Variants in PHACTR1 observed in about 807,000 individuals in gnomAD.
The protein encoded by PHACTR1 is phosphatase and actin regulator 1.
Under a neutral mutation model 69.2 loss-of-function variants are expected in PHACTR1, and 16 were observed. The ratio of observed to expected loss-of-function variants is 0.23; its 90% CI spans 0.16 to 0.35. The LOEUF (loss-of-function observed/expected upper bound fraction) is 0.35. Among genes scored for constraint, PHACTR1 ranks in the 10% least tolerant of loss-of-function variants. The pLI, the probability that PHACTR1 is intolerant of heterozygous loss-of-function variation, is 1.00. For missense variants in PHACTR1, 510 were observed against 734.7 expected (o/e 0.69, Z 3.54); for synonymous variants, 312 against 284.5 (o/e 1.10, Z -0.97).
chr6:12,797,144 A>G (rs149232028), intron 4 of PHACTR1, among the ~76,000 whole-genome samples: 365 of 152,150 alleles, frequency 2.4e-3, no homozygotes, highest in African/African-American at 8.2e-3. Flanking sequence ...GGAGATGCCT[A>G]GTCTAGGTGT....
chr6:13,111,713 C>T (rs1013169826), intron 5 of PHACTR1, among the ~76,000 whole-genome samples: 6 of 152,322 alleles, frequency 3.9e-5, no homozygotes, highest in South Asian at 2.1e-4. Flanking sequence ...GTGTTCACAT[C>T]GCTGTGCCTG....
In PHACTR1 at chr6:13,118,141, G is replaced by A. The variant is rs1818085912; in HGVS notation, c.416-42063G>A. ...TTTAAACTTTTCTAAAATGGAAATG[G>A]ATTGTAAGCTGAACGTGTTGATGGG... On this transcript the variant is annotated intron_variant, in intron 5 of 14. Transcript: ENST00000332995. Among the ~76,000 whole-genome samples the A allele has an allele frequency of 2.0e-5, 3 of 152,318 alleles. No homozygotes were observed. The Middle Eastern group carries it at 0.01, about 518-fold the overall frequency.
At chr6:13,240,612 A>G (rs1772694603) in intron 10 of PHACTR1, among the ~76,000 whole-genome samples, 1 of 151,736 alleles carries the variant, frequency 6.6e-6, no homozygotes, top group South Asian at 2.1e-4. Context: ...ACACCTGGCT[A>G]ATTTTTGTAT....
chr6:13,271,578 G>T (rs896141287), intron 10 of PHACTR1, among the ~76,000 whole-genome samples: 10 of 152,038 alleles, frequency 6.6e-5, no homozygotes, highest in Admixed American at 1.3e-4. Context: ...GTATAAAATG[G>T]CGTAGTATTT....
intron 8 of PHACTR1, among the ~76,000 whole-genome samples, chr6:13,222,329 T>G (rs956732138): frequency 2.6e-5 from 4 of 152,246 alleles, no homozygotes; most frequent in Admixed American, 2.6e-4. Flanking sequence ...ATCACTGATC[T>G]GGGCAAAGAA....
At chr6:13,242,845 G>A (rs1773045426) in intron 10 of PHACTR1, among the ~76,000 whole-genome samples, 1 of 152,138 alleles carries the variant, frequency 6.6e-6, no homozygotes, top group African/African-American at 2.4e-5. Flanking sequence ...GCTTCAGCCA[G>A]TTGATTCAGT....
chr6:12,807,705 C>A (rs952194883), intron 4 of PHACTR1, among the ~76,000 whole-genome samples: 1 of 152,166 alleles, frequency 6.6e-6, no homozygotes, highest in Admixed American at 6.6e-5. Context: ...CCTTTGTGAA[C>A]CTTCCTTTGT....
intron 4 of PHACTR1, among the ~76,000 whole-genome samples, chr6:12,801,588 G>A (rs532095237): frequency 6.6e-6 from 1 of 152,324 alleles, no homozygotes; most frequent in South Asian, 2.1e-4. Context: ...ATTAATTGCA[G>A]AGAAGGAGCT....
chr6:12,936,383 A>C lies in PHACTR1; in HGVS notation c.251-116982A>C, dbSNP rs181525198. On this transcript the variant is annotated intron_variant, in intron 4 of 14. Coordinates refer to ENST00000332995, the MANE Select transcript of PHACTR1 (RefSeq NM_030948.6). ...GCACACAAAATTAGAATGTAATTGC[A>C]ACAATAAAGAAATCAAATGAGATAA... is the stretch of plus-strand genomic sequence containing the variant. Among the ~76,000 whole-genome samples the C allele has an allele frequency of 2.2e-3, 337 of 152,364 alleles. 2 individuals are homozygous for C. Among genetic ancestry groups the C allele is most frequent in the African/African-American group, 7.5e-3 (314 of 41,594 alleles).
intron 4 of PHACTR1, among the ~76,000 whole-genome samples, chr6:12,776,779 C>T (rs921782804): frequency 6.6e-6 from 1 of 152,162 alleles, no homozygotes; most frequent in African/African-American, 2.4e-5. Flanking sequence ...TGGATCCTTA[C>T]GTTCTTCTTA....
At chr6:12,718,510 T>C (rs1761679135) in intron 2 of PHACTR1, 189 bp from the exon 3 acceptor site, 1 of 283,320 alleles carries the variant, frequency 3.5e-6, no homozygotes, top group Non-Finnish European at 6.5e-6. Flanking sequence ...TAATGAATGT[T>C]GGCTAAATGC....
At position 13,283,771 on chromosome 6, in the gene PHACTR1, T is replaced by TA. The variant is rs1482656231; in HGVS notation, c.1650+210dup. On this transcript the variant is annotated intron_variant, in intron 13 of 14. Coordinates refer to ENST00000332995, the MANE Select transcript of PHACTR1 (RefSeq NM_030948.6). The surrounding 1 kb of genome is among the most constrained non-coding windows in gnomAD (Gnocchi z 4.7). Reference sequence around the variant, plus strand: ...ATCGGAGAAAACACAAGGCACATAATACTGTGCCCATTTTACAGGAGGAGG... The same window carrying TA: ...ATCGGAGAAAACACAAGGCACATAATAACTGTGCCCATTTTACAGGAGGAGG... 24 of 654,180 alleles carry TA rather than the reference T, an allele frequency of 3.7e-5. 1 individual carries two copies. Among genetic ancestry groups the TA allele is most frequent in the South Asian group, 1.3e-4 (7 of 52,900 alleles). 40.5% of individuals were successfully genotyped at this position (654,180 alleles called of 1,614,324 possible).
In PHACTR1 at chr6:13,272,850, T is replaced by C; in HGVS notation, c.1392-10T>C. The C allele has an allele frequency of 6.2e-7, 1 of 1,614,044 alleles. No homozygotes were observed. The highest frequency in any genetic ancestry group is 8.5e-7 in the Non-Finnish European group (1 of 1,179,890). On this transcript the variant is annotated splice_polypyrimidine_tract_variant and intron_variant, in intron 10 of 14. Coordinates refer to ENST00000332995, the MANE Select transcript of PHACTR1 (RefSeq NM_030948.6). The stretch of plus-strand genomic sequence containing the variant: ...ATGGTCCAAAAACTTTTCCTGGATT[T>C]TTTCCGTAGGCGGCTGAGCCAGAGG...
intron 4 of PHACTR1, among the ~76,000 whole-genome samples, chr6:12,839,986 G>A (rs1778539778): frequency 6.6e-6 from 1 of 152,064 alleles, no homozygotes; most frequent in African/African-American, 2.4e-5. Flanking sequence ...ATATTGATGA[G>A]AAATCACAAG....
At chr6:13,022,757 C>T (rs1241271700) in intron 4 of PHACTR1, among the ~76,000 whole-genome samples, 1 of 152,040 alleles carries the variant, frequency 6.6e-6, no homozygotes, top group Non-Finnish European at 1.5e-5. Flanking sequence ...GTGGCTCACA[C>T]CTGTAATCCA....
intron 11 of PHACTR1, chr6:13,277,992 C>A: frequency 4.7e-6 from 1 of 214,012 alleles, no homozygotes. Context: ...AGCCACATTT[C>A]TCAACCCAGC....
chr6:13,229,970 A>C, intron 9 of PHACTR1, 67 bp from the exon 10 acceptor site: 5 of 1,479,720 alleles, frequency 3.4e-6, no homozygotes, highest in Non-Finnish European at 4.5e-6. Context: ...CTTATGACCC[A>C]GGGTTGGCCC....
intron 6 of PHACTR1, among the ~76,000 whole-genome samples, chr6:13,165,190 ATGAT>A (rs770743883): frequency 6.6e-6 from 1 of 152,202 alleles, no homozygotes; most frequent in Non-Finnish European, 1.5e-5. Context: ...TTTCTACAAT[ATGAT>A]TGTTTTATAA....
chr6:12,901,083 A>G (rs756822532), intron 4 of PHACTR1, among the ~76,000 whole-genome samples: 7 of 152,170 alleles, frequency 4.6e-5, no homozygotes, highest in African/African-American at 7.2e-5. Flanking sequence ...CATTCCAGGC[A>G]TGTTCTTTCA....
Sources: gnomAD v4.1 joint callset for allele counts (sites outside exome capture counted in the v4.1 genomes callset) on GRCh38, gnomAD v4.1.1 for gene constraint, Gnocchi (gnomAD v3.1) non-coding constraint, MANE v1.5 for transcripts, NCBI Gene and HGNC (gene_info 2026-07-23, HGNC 2026-07-21) for gene names.